Variants in PIK3R3 observed in about 807,000 individuals in gnomAD.
The protein encoded by PIK3R3 is phosphatidylinositol 3-kinase regulatory subunit gamma.
Under a neutral mutation model 62.9 loss-of-function variants are expected in PIK3R3, and 64 were observed. That is an observed-to-expected ratio of 1.02 (90% CI 0.83 to 1.25). The LOEUF is 1.25. Among genes scored for constraint, PIK3R3 ranks in the 50% most tolerant of loss-of-function variants. The pLI is 0.00. For synonymous variants in PIK3R3, 165 were observed against 189.0 expected, an observed-to-expected ratio of 0.87 and a Z score of 1.04; for missense variants, 614 against 561.6, an observed-to-expected ratio of 1.09 and a Z score of -0.94.
chr1:46,066,028 A>G (rs750738053), intron 5 of PIK3R3, 26 bp downstream of exon 5: 6 of 1,594,400 alleles, frequency 3.8e-6, no homozygotes, highest in Non-Finnish European at 5.2e-6. Flanking sequence ...CACACATATT[A>G]GTCAAAAACA....
chr1:46,149,055 C>T, the PIK3R3 span, among the ~76,000 whole-genome samples: 2 of 152,070 alleles, frequency 1.3e-5, no homozygotes, highest in Non-Finnish European at 2.9e-5. Context: ...CCATCAAAAC[C>T]AAGATGGCTA....
chr1:46,056,056 T>G, intron 6 of PIK3R3, 85 bp from the exon 7 acceptor site: 5 of 825,552 alleles, frequency 6.1e-6, no homozygotes, highest in Non-Finnish European at 9.1e-6. Flanking sequence ...AATATCCTTT[T>G]TTTTTTTCCC....
chr1:46,048,538 C>G (rs1440727699), intron 7 of PIK3R3, among the ~76,000 whole-genome samples: 1 of 152,124 alleles, frequency 6.6e-6, no homozygotes, highest in Non-Finnish European at 1.5e-5. Context: ...AGTTTTCTAT[C>G]CTTAAAGAAA....
chr1:46,072,481 T>C (rs1261544306), intron 3 of PIK3R3, among the ~76,000 whole-genome samples: 2 of 152,210 alleles, frequency 1.3e-5, no homozygotes, highest in African/African-American at 4.8e-5. Flanking sequence ...TTGTGATAGA[T>C]ACATGAAAAC....
At chr1:46,149,421 CAAAAAAAAA>C in the PIK3R3 span, among the ~76,000 whole-genome samples, 1 of 52,002 alleles carries the variant, frequency 1.9e-5, no homozygotes, top group Non-Finnish European at 3.9e-5. Flanking sequence ...GACTCTGTCT[CAAAAAAAAA>C]AAAAAAAAAA....
intron 4 of PIK3R3, 94 bp downstream of exon 4, chr1:46,066,817 G>T: frequency 9.5e-7 from 1 of 1,053,532 alleles, no homozygotes; most frequent in Non-Finnish European, 1.5e-6. Flanking sequence ...AAAATGGCTA[G>T]TTTTTTAAAA....
chr1:46,137,143 G>A (rs1321989116), upstream of PIK3R3, among the ~76,000 whole-genome samples: 1 of 152,186 alleles, frequency 6.6e-6, no homozygotes, highest in African/African-American at 2.4e-5. Flanking sequence ...AGAGCCCCAT[G>A]TCCTGACTAC....
At chr1:46,172,820 C>G in the PIK3R3 span, among the ~76,000 whole-genome samples, 1 of 151,966 alleles carries the variant, frequency 6.6e-6, no homozygotes, top group Non-Finnish European at 1.5e-5. Context: ...TGGCAAAACC[C>G]CATCTCTACT....
At chr1:46,074,222 G>C (rs558206845) in intron 3 of PIK3R3, among the ~76,000 whole-genome samples, 2 of 144,106 alleles carry the variant, frequency 1.4e-5, no homozygotes, top group African/African-American at 5.1e-5. Context: ...CCTGGGAGGC[G>C]GAGCTTGCAG....
At chr1:46,121,625 C>T (rs1281745601) in intron 1 of PIK3R3, among the ~76,000 whole-genome samples, 1 of 151,662 alleles carries the variant, frequency 6.6e-6, no homozygotes, top group Non-Finnish European at 1.5e-5. Flanking sequence ...AAAGACTCTA[C>T]CTCTATTTAA....
intron 7 of PIK3R3, chr1:46,047,051 C>T (rs1647134017): frequency 6.1e-6 from 1 of 163,372 alleles, no homozygotes; most frequent in African/African-American, 2.4e-5. Flanking sequence ...TAACTAAAAA[C>T]TTCAAGATCT....
chr1:46,083,973 T>G (rs1650843525), intron 1 of PIK3R3, among the ~76,000 whole-genome samples: 2 of 152,196 alleles, frequency 1.3e-5, no homozygotes, highest in African/African-American at 4.8e-5. Context: ...ACATGAATGT[T>G]CATAGTAGCT....
chr1:46,105,064 T>A lies in PIK3R3; in HGVS notation c.107-24314A>T. On this transcript the variant is annotated intron_variant, in intron 1 of 9. Transcript: ENST00000262741. Reference sequence around the variant, plus strand: ...AATACAGTAATGCTGTATTAGCTAGTGGAGCCACTTTCTCTATTGCTGTAT... The same window carrying A: ...AATACAGTAATGCTGTATTAGCTAGAGGAGCCACTTTCTCTATTGCTGTAT... 8.0e-6 allele frequency: 6 copies of A among 749,318 alleles called. No individual in the cohort carries two copies. In the Admixed American group the frequency reaches 1.0e-4, roughly 13 times the overall value. 46.4% of individuals were successfully genotyped at this position (749,318 alleles called of 1,614,324 possible).
At chr1:46,168,001 C>A in the PIK3R3 span, among the ~76,000 whole-genome samples, 2 of 151,958 alleles carry the variant, frequency 1.3e-5, no homozygotes, top group African/African-American at 4.8e-5. Context: ...ACTAAAAATA[C>A]CAAAATTAGC....
intron 5 of PIK3R3, 37 bp from the exon 6 acceptor site, chr1:46,062,108 A>C (rs779737831): frequency 4.5e-6 from 7 of 1,551,642 alleles, no homozygotes; most frequent in Non-Finnish European, 6.1e-6. Context: ...AGGCTTCATT[A>C]TCTTTATTAT....
intron 1 of PIK3R3, among the ~76,000 whole-genome samples, chr1:46,102,443 T>A (rs1245258993): frequency 1.3e-5 from 2 of 152,172 alleles, no homozygotes; most frequent in Non-Finnish European, 2.9e-5. Context: ...ATCAGCAAAT[T>A]ATCTTTAGCT....
intron 3 of PIK3R3, among the ~76,000 whole-genome samples, chr1:46,074,448 C>CT (rs1339829498): frequency 1.3e-5 from 2 of 151,964 alleles, no homozygotes; most frequent in Non-Finnish European, 2.9e-5. Flanking sequence ...CCTCAAGTAG[C>CT]TTTTTTACCA....
the PIK3R3 span, among the ~76,000 whole-genome samples, chr1:46,154,041 A>G: frequency 2.0e-5 from 3 of 152,244 alleles, no homozygotes; most frequent in Admixed American, 1.3e-4. Flanking sequence ...AAGACACTGC[A>G]TGTACAGTGT....
chr1:46,053,376 CA>C (rs1647555157), intron 7 of PIK3R3, among the ~76,000 whole-genome samples: 1 of 152,092 alleles, frequency 6.6e-6, no homozygotes, highest in Admixed American at 6.5e-5. Context: ...AAGAAACTTC[CA>C]AGGTCTGGTT....
Sources: allele counts gnomAD v4.1 joint callset (sites outside exome capture counted in the v4.1 genomes callset), GRCh38; gene constraint gnomAD v4.1.1; transcripts MANE v1.5; gene names NCBI Gene and HGNC (gene_info 2026-07-23, HGNC 2026-07-21).